HECW2: variants seen among roughly 807,000 people sequenced by gnomAD.
The protein encoded by HECW2 is HECT, C2 and WW domain containing E3 ubiquitin protein ligase 2.
A neutral mutation model predicts 175.2 loss-of-function variants in HECW2; 61 were observed. That is an observed-to-expected ratio of 0.35 (90% CI 0.28 to 0.43). The LOEUF (loss-of-function observed/expected upper bound fraction) is 0.43. Among genes scored for constraint, HECW2 ranks in the 20% least tolerant of loss-of-function variants. The pLI, the probability that HECW2 is intolerant of heterozygous loss-of-function variation, is 1.00. For missense variants in HECW2, 1,524 were observed against 2,000.5 expected (o/e 0.76, Z 4.54); for synonymous variants, 671 against 731.0 (o/e 0.92, Z 1.32).
At position 196,275,750 on chromosome 2, in the gene HECW2, TA is replaced by T. The variant is rs200671171; in HGVS notation, c.3136-1628del. On this transcript the variant is annotated intron_variant, in intron 15 of 28. Transcript: ENST00000644978. The stretch of plus-strand genomic sequence containing the variant: ...CTGGCGACAAAGCAAGACTCTGTCT[TA>T]AAAAAAAAAAAAGAATGCAGGAAAT... Among the ~76,000 whole-genome samples the T allele has an allele frequency of 3.5e-3, 505 of 144,348 alleles. 2 individuals carry two copies. The highest frequency in any genetic ancestry group is 0.019 in the East Asian group (93 of 5,018). 94.7% of individuals were successfully genotyped at this position (144,348 alleles called of 152,430 possible).
intron 1 of HECW2, among the ~76,000 whole-genome samples, chr2:196,453,388 C>A (rs1696404791): frequency 6.6e-6 from 1 of 152,108 alleles, no homozygotes; most frequent in Non-Finnish European, 1.5e-5. Context: ...AAATGAACTG[C>A]CTCAAAGCAC....
At chr2:196,356,741 TTATAA>T (rs1317812421) in intron 2 of HECW2, among the ~76,000 whole-genome samples, 15 of 152,246 alleles carry the variant, frequency 9.9e-5, no homozygotes, top group Admixed American at 7.2e-4. Flanking sequence ...CTAACTTTTG[TTATAA>T]TATATTGTTA....
At chr2:196,563,515 G>A (rs961516792) in intron 1 of HECW2, among the ~76,000 whole-genome samples, 3 of 150,922 alleles carry the variant, frequency 2.0e-5, no homozygotes, top group Non-Finnish European at 4.4e-5. Flanking sequence ...GTAGTGAGCC[G>A]AGATCACACC....
At chr2:196,376,900 C>T (rs1009402486) in intron 2 of HECW2, among the ~76,000 whole-genome samples, 1 of 151,978 alleles carries the variant, frequency 6.6e-6, no homozygotes, top group Non-Finnish European at 1.5e-5. Flanking sequence ...CCACTGCACT[C>T]CAGCCTAGGC....
intron 1 of HECW2, among the ~76,000 whole-genome samples, chr2:196,541,733 T>G (rs1042078425): frequency 1.8e-5 from 2 of 109,464 alleles, no homozygotes; most frequent in African/African-American, 3.5e-5. Context: ...ATTTAAAGGT[T>G]TTTTTTTTTG....
Position 196,483,079 on chromosome 2 carries a change from T to C in HECW2, c.-35-49621A>G, listed in dbSNP as rs111319557. 2.6e-3 allele frequency among the ~76,000 whole-genome samples: 389 copies of C among 149,212 alleles called. 2 individuals are homozygous for C. Among genetic ancestry groups the C allele is most frequent in the African/African-American group, 8.9e-3 (356 of 39,928 alleles). The stretch of plus-strand genomic sequence containing the variant: ...AGCTAAGCAACATCCACAATGTGTG[T>C]TGATTTCATAGTTGTAAAAAAAAAA... On this transcript the variant is annotated intron_variant, in intron 1 of 28. Transcript: ENST00000644978.
intron 1 of HECW2, among the ~76,000 whole-genome samples, chr2:196,574,678 T>C (rs1162763582): frequency 6.6e-6 from 1 of 151,956 alleles, no homozygotes; most frequent in Non-Finnish European, 1.5e-5. Flanking sequence ...TTTTAAAATA[T>C]CCTAAAAATT....
intron 19 of HECW2, among the ~76,000 whole-genome samples, chr2:196,245,027 C>T (rs975977756): frequency 1.3e-5 from 2 of 151,992 alleles, no homozygotes; most frequent in African/African-American, 4.8e-5. Context: ...GAAAGAGCCC[C>T]AGTTAGGAGT....
chr2:196,273,015 G>A (rs73044210), intron 16 of HECW2, among the ~76,000 whole-genome samples: 1,780 of 140,104 alleles, frequency 0.013, 34 homozygotes, highest in African/African-American at 0.048. Flanking sequence ...TAAAGAAGAC[G>A]TTTTAAAACA....
At chr2:196,523,251 T>C (rs1335344523) in intron 1 of HECW2, among the ~76,000 whole-genome samples, 10 of 152,026 alleles carry the variant, frequency 6.6e-5, no homozygotes, top group Admixed American at 5.2e-4. Flanking sequence ...TGAATGGGAG[T>C]TCACTCATCA....
intron 1 of HECW2, among the ~76,000 whole-genome samples, chr2:196,537,640 A>T (rs935875574): frequency 3.9e-5 from 6 of 152,118 alleles, no homozygotes; most frequent in African/African-American, 1.4e-4. Flanking sequence ...AATGAGGCTG[A>T]GACTTGCTGG....
chr2:196,201,520 T>G (rs927559341), intron 28 of HECW2, 132 bp from the exon 29 acceptor site: 1 of 513,136 alleles, frequency 1.9e-6, no homozygotes, highest in South Asian at 4.2e-5. Context: ...TTGCCAATTT[T>G]CACACTCCTT....
intron 2 of HECW2, among the ~76,000 whole-genome samples, chr2:196,394,086 G>T (rs1049762563): frequency 6.7e-6 from 1 of 150,122 alleles, no homozygotes; most frequent in African/African-American, 2.5e-5. Context: ...TCATAGGTGG[G>T]AACTGAACAA....
At chr2:196,253,737 T>C (rs780546319) in intron 19 of HECW2, among the ~76,000 whole-genome samples, 183 bp downstream of exon 19, 3 of 152,194 alleles carry the variant, frequency 2.0e-5, no homozygotes, top group Non-Finnish European at 2.9e-5. Context: ...ATTATGTTTG[T>C]CAAAATGAAT....
chr2:196,378,326 A>C (rs1287102897), intron 2 of HECW2, among the ~76,000 whole-genome samples: 1 of 152,184 alleles, frequency 6.6e-6, no homozygotes, highest in Non-Finnish European at 1.5e-5. Flanking sequence ...GAAATGATAA[A>C]GAAGAAGCCA....
At chr2:196,444,771 T>C (rs1164098036) in intron 1 of HECW2, among the ~76,000 whole-genome samples, 1 of 152,218 alleles carries the variant, frequency 6.6e-6, no homozygotes, top group Admixed American at 6.5e-5. Context: ...GGCTGAGATC[T>C]GAAGTTAGCA....
intron 1 of HECW2, chr2:196,592,838 C>G (rs1230517488): frequency 6.6e-6 from 1 of 150,400 alleles, no homozygotes; most frequent in Non-Finnish European, 1.5e-5. Context: ...AGGGCGCCCC[C>G]AAAGTCGCCC....
rs1488665277 is a variant in HECW2 at position 196,220,920 on chromosome 2, G to A, written c.4168C>T (p.Pro1390Ser). 6.2e-7 allele frequency: 1 copy of A among 1,613,906 alleles called. No individual in the cohort carries two copies. The highest frequency in any genetic ancestry group is 1.7e-5 in the Admixed American group (1 of 60,002). The change falls in exon 25 of 29, where the codon CCA (proline) becomes TCA (serine). Residue 1390 changes from proline to serine, a missense_variant. This residue lies in a region of HECW2 where 134 missense variants were observed against 287.8 expected (regional missense o/e 0.47). Coordinates refer to ENST00000644978, the MANE Select transcript of HECW2 (RefSeq NM_001348768.2). ...FGQITERELK[P>S]GGANIPVTEK... ...GTAACTGGGATATTGGCACCCCCTG[G>A]CTTTAATTCTCGTTCAGTTATCTGA...
rs1470118166 is a variant in HECW2, at chr2:196,228,188, A to G, written c.3831T>C (p.Tyr1277=). The G allele has an allele frequency of 6.2e-7, 1 of 1,613,000 alleles. No individual in the cohort carries two copies. Among genetic ancestry groups the G allele is most frequent in the South Asian group, 1.1e-5 (1 of 91,042 alleles). ...TGGCTGAATATTCAAATAAGCCATAATATGGGTTAAAGAGTTCTCTGGATA... is the reference window on the plus strand; with the variant it reads ...TGGCTGAATATTCAAATAAGCCATAGTATGGGTTAAAGAGTTCTCTGGATA... ...FLVSRELFNP[Y]YGLFEYSAND... The change falls in exon 22 of 29, where the codon TAT becomes TAC. Residue 1277 remains tyrosine, a synonymous_variant. Transcript: ENST00000644978.
Sources: gnomAD v4.1 joint callset for allele counts (sites outside exome capture counted in the v4.1 genomes callset) on GRCh38, gnomAD v4.1.1 for gene constraint, gnomAD v4.1.1 regional missense constraint, MANE v1.5 for transcripts, NCBI Gene and HGNC (gene_info 2026-07-23, HGNC 2026-07-21) for gene names.